TBCEL: variants seen among roughly 807,000 people sequenced by gnomAD.
TBCEL encodes the protein tubulin-specific chaperone cofactor E-like protein.
In TBCEL, 15 loss-of-function variants were observed where a neutral mutation model predicts 44.2. That is an observed-to-expected ratio of 0.34 (90% CI 0.23 to 0.52). The LOEUF is 0.52. TBCEL is among the 20% of genes least tolerant of loss of function. TBCEL has a pLI of 0.95. For missense variants in TBCEL, 319 were observed against 506.3 expected (o/e 0.63, Z 3.55); for synonymous variants, 171 against 185.4 (o/e 0.92, Z 0.63).
intron 2 of TBCEL, among the ~76,000 whole-genome samples, chr11:121,037,359 C>T (rs1226788993): frequency 6.6e-6 from 1 of 152,118 alleles, no homozygotes; most frequent in African/African-American, 2.4e-5. Flanking sequence ...TCCTTTTCAT[C>T]CAAAGAGAGC....
chr11:121,037,395 C>T (rs1272436622), intron 2 of TBCEL, among the ~76,000 whole-genome samples: 2 of 152,116 alleles, frequency 1.3e-5, no homozygotes, highest in East Asian at 3.9e-4. Context: ...TTACATAATG[C>T]TCAAGGGTAA....
intron 8 of TBCEL, among the ~76,000 whole-genome samples, chr11:121,084,041 A>G (rs1946171604): frequency 6.6e-6 from 1 of 152,200 alleles, no homozygotes; most frequent in African/African-American, 2.4e-5. Context: ...GGCTGAACTC[A>G]CTTTACCAGG....
Position 121,086,956 on chromosome 11 carries a change from C to T in TBCEL, c.1135C>T (p.Pro379Ser). 6.2e-7 allele frequency: 1 copy of T among 1,614,064 alleles called. No homozygotes were observed. The highest frequency in any genetic ancestry group is 8.5e-7 in the Non-Finnish European group (1 of 1,179,996). ...ACAGTTAAAAACTCTAGTACAATTA[C>T]CCACAAGCAACATGCTTCTCTACTA... ...KKQLKTLVQL[P>S]TSNMLLYYFD... Residue 379 changes from proline (P) to serine (S), a missense_variant, in exon 9 of 9, where the codon CCC (proline) becomes TCC (serine). Transcript: ENST00000683345.
At chr11:121,041,451 G>A (rs902089486) in intron 2 of TBCEL, among the ~76,000 whole-genome samples, 2 of 152,044 alleles carry the variant, frequency 1.3e-5, no homozygotes, top group Admixed American at 6.6e-5. Context: ...TTTTCACAGG[G>A]CCACTTCACA....
At chr11:121,030,409 A>T (rs1212212153) in intron 1 of TBCEL, among the ~76,000 whole-genome samples, 5 of 152,224 alleles carry the variant, frequency 3.3e-5, no homozygotes, top group African/African-American at 1.2e-4. Flanking sequence ...TTTTGAAAAG[A>T]TCACTTGGCT....
At chr11:121,036,842 C>T (rs1479242740) in intron 2 of TBCEL, among the ~76,000 whole-genome samples, 1 of 152,136 alleles carries the variant, frequency 6.6e-6, no homozygotes, top group African/African-American at 2.4e-5. Flanking sequence ...CAACGTAGTT[C>T]TTTAGTAGAA....
At chr11:121,072,335 G>A (rs944397164) in intron 8 of TBCEL, among the ~76,000 whole-genome samples, 1 of 151,978 alleles carries the variant, frequency 6.6e-6, no homozygotes, top group African/African-American at 2.4e-5. Context: ...TATCTTTTTC[G>A]TTTTTGTTTG....
Position 121,043,728 on chromosome 11 carries a change from G to A in TBCEL, c.-17-1946G>A, listed in dbSNP as rs188002865. On this transcript the variant is annotated intron_variant, in intron 2 of 8. Coordinates refer to ENST00000683345, the MANE Select transcript of TBCEL (RefSeq NM_001363644.2). The stretch of plus-strand genomic sequence containing the variant: ...CCCAGCAAAACTTCTCAAAATATTG[G>A]CTAAACACTCTACTGTCTGGCTGTT... Among the ~76,000 whole-genome samples, 15 of 152,072 alleles carry A rather than the reference G, an allele frequency of 9.9e-5. No homozygotes were observed. In the East Asian group the frequency reaches 2.9e-3, roughly 29 times the overall value.
At chr11:121,057,328 T>C (rs963173582) in intron 6 of TBCEL, among the ~76,000 whole-genome samples, 4 of 152,030 alleles carry the variant, frequency 2.6e-5, no homozygotes, top group East Asian at 3.9e-4. Flanking sequence ...TTCATTATTA[T>C]AGAAAAATTT....
chr11:121,068,934 C>G (rs941630881), intron 8 of TBCEL, among the ~76,000 whole-genome samples: 4 of 151,314 alleles, frequency 2.6e-5, no homozygotes, highest in Non-Finnish European at 5.9e-5. Context: ...CCTTACTGTT[C>G]CTGACACACT....
At chr11:121,060,374 G>C (rs191104346) in intron 8 of TBCEL, among the ~76,000 whole-genome samples, 78 of 151,754 alleles carry the variant, frequency 5.1e-4, no homozygotes, top group Non-Finnish European at 9.4e-4. Context: ...ATTCTTTTTT[G>C]ATCTTTTTCT....
intron 2 of TBCEL, among the ~76,000 whole-genome samples, chr11:121,044,021 G>C (rs1341932413): frequency 6.6e-6 from 1 of 152,072 alleles, no homozygotes; most frequent in Non-Finnish European, 1.5e-5. Context: ...GGTATCACCA[G>C]TCACCTGGTC....
At chr11:121,081,924 C>A (rs1458229047) in intron 8 of TBCEL, among the ~76,000 whole-genome samples, 3 of 152,020 alleles carry the variant, frequency 2.0e-5, no homozygotes, top group Non-Finnish European at 4.4e-5. Flanking sequence ...ACATCCAAAG[C>A]CTAACCCATC....
intron 8 of TBCEL, among the ~76,000 whole-genome samples, chr11:121,074,127 CACTT>C (rs573141328): frequency 3.7e-4 from 56 of 152,018 alleles, no homozygotes; most frequent in Middle Eastern, 3.4e-3. Flanking sequence ...ATTTAATAGT[CACTT>C]ACGATTTGGG....
intron 8 of TBCEL, among the ~76,000 whole-genome samples, chr11:121,066,552 A>G (rs1394082207): frequency 6.6e-6 from 1 of 152,212 alleles, no homozygotes; most frequent in Non-Finnish European, 1.5e-5. Flanking sequence ...TCCCCTGTGG[A>G]ATTACCCATT....
At chr11:121,065,072 T>C (rs1945795933) in intron 8 of TBCEL, among the ~76,000 whole-genome samples, 1 of 152,128 alleles carries the variant, frequency 6.6e-6, no homozygotes, top group African/African-American at 2.4e-5. Flanking sequence ...GTGATCCGCC[T>C]GCCTCGGCCT....
chr11:121,086,961 A>G lies in TBCEL; in HGVS notation c.1140A>G (p.Thr380=). 6.2e-7 allele frequency: 1 copy of G among 1,614,090 alleles called. No homozygotes were observed. Among genetic ancestry groups the G allele is most frequent in the Non-Finnish European group, 8.5e-7 (1 of 1,179,988 alleles). The change falls in exon 9 of 9, where the codon ACA becomes ACG. Residue 380 remains threonine, a synonymous_variant. Transcript: ENST00000683345. ...TAAAAACTCTAGTACAATTACCCAC[A>G]AGCAACATGCTTCTCTACTATTTTG... ...KQLKTLVQLP[T]SNMLLYYFDH... is the part of the protein sequence containing the mutation.
chr11:121,045,801 A>T lies in TBCEL; in HGVS notation c.111A>T (p.Thr37=). The T allele has an allele frequency of 2.5e-6, 4 of 1,604,016 alleles. No individual in the cohort carries two copies. The highest frequency in any genetic ancestry group is 3.4e-6 in the Non-Finnish European group (4 of 1,177,012). ...GGATGGGAGTCCATGTCCCAGCCAC[A>T]CCTCAGGGCTCTCCTATGAAAGGTA... ...GPGMGVHVPA[T]PQGSPMKDRL... is the part of the protein sequence containing the mutation. The change falls in exon 3 of 9, where the codon ACA becomes ACT. Residue 37 remains threonine (T), a synonymous_variant. Transcript: ENST00000683345.
At chr11:121,027,261 C>G (rs940953773) in intron 1 of TBCEL, among the ~76,000 whole-genome samples, 1 of 152,162 alleles carries the variant, frequency 6.6e-6, no homozygotes, top group South Asian at 2.1e-4. Context: ...TGCCTTTCTC[C>G]TACACGTGAT....
Sources: allele counts gnomAD v4.1 joint callset (sites outside exome capture counted in the v4.1 genomes callset), GRCh38; gene constraint gnomAD v4.1.1; transcripts MANE v1.5; gene names NCBI Gene and HGNC (gene_info 2026-07-23, HGNC 2026-07-21).